The following SEPTIN9 variants were observed in gnomAD, a reference collection of about 807,000 sequenced individuals.
SEPTIN9 encodes the protein septin 9, also known as septin-9.
SEPTIN9 carries 13 observed loss-of-function variants against 56.6 expected under a neutral mutation model. The ratio of observed to expected loss-of-function variants is 0.23; its 90% CI spans 0.15 to 0.37. The LOEUF (loss-of-function observed/expected upper bound fraction) is 0.37. SEPTIN9 is among the 10% of genes least tolerant of loss of function. SEPTIN9 has a pLI of 1.00. For missense variants in SEPTIN9, 650 were observed against 823.1 expected (o/e 0.79, Z 2.57); for synonymous variants, 332 against 334.1 (o/e 0.99, Z 0.07).
At position 77,330,853 on chromosome 17, in the gene SEPTIN9, C is replaced by T. The variant is rs1421349315; in HGVS notation, c.76+23656C>T. 2.6e-5 allele frequency among the ~76,000 whole-genome samples: 4 copies of T among 152,346 alleles called. No homozygotes were observed. In the East Asian group the frequency reaches 7.7e-4, roughly 29 times the overall value. On this transcript the variant is annotated intron_variant, in intron 2 of 11. Transcript: ENST00000427177. The surrounding 1 kb of genome is among the most constrained non-coding windows in gnomAD (Gnocchi z 4.4). ...TCACTGTCCCTGCCTGGCCCCAGTG[C>T]TCATGTGGCTTGTGGCCCTCAGTCT...
intron 2 of SEPTIN9, among the ~76,000 whole-genome samples, chr17:77,335,616 T>C (rs1196653408): frequency 2.0e-5 from 3 of 150,158 alleles, no homozygotes; most frequent in Non-Finnish European, 4.4e-5. Flanking sequence ...AGGCCCCATG[T>C]TGACTGTATA....
intron 2 of SEPTIN9, among the ~76,000 whole-genome samples, chr17:77,360,544 TTTTTTTGTTGTTTTTG>T (rs1383041311): frequency 3.3e-5 from 5 of 151,852 alleles, no homozygotes; most frequent in Admixed American, 1.3e-4. Context: ...TAGGTTGTTT[TTTTTTTGTTGTTTTTG>T]TTTTTTGTTT....
Position 77,320,039 on chromosome 17 carries a change from T to A in SEPTIN9, c.76+12842T>A. The A allele has an allele frequency of 9.4e-6, 13 of 1,376,644 alleles. No individual in the cohort carries two copies. The South Asian group carries it at 1.9e-4, about 20-fold the overall frequency. The allele number at this position is 1,376,644 out of a possible 1,614,324, so 85.3% of individuals were successfully genotyped here. A position where few individuals can be genotyped will look rare whatever the true frequency, so the allele number is the denominator to read the frequency against. ...CCCACTTCGGGCCCTCTCTCCTGCC[T>A]CCTATTTTTGGATTTCTCTCCTTTG... On this transcript the variant is annotated intron_variant, in intron 2 of 11. Transcript: ENST00000427177.
In SEPTIN9 at chr17:77,492,818, G is replaced by T; in HGVS notation, c.1476+102G>T. On this transcript the variant is annotated intron_variant, in intron 9 of 11. Transcript: ENST00000427177. The surrounding 1 kb of genome is among the most constrained non-coding windows in gnomAD (Gnocchi z 5.4). ...CCTTAAGCCATGAAATTATATTCTTGGGGCCAGAGGGCACTGAGCCCAGGT... is the reference window on the plus strand; with the variant it reads ...CCTTAAGCCATGAAATTATATTCTTTGGGCCAGAGGGCACTGAGCCCAGGT... 7.9e-7 allele frequency: 1 copy of T among 1,264,134 alleles called. No individual in the cohort carries two copies. 78.3% of individuals were successfully genotyped at this position (1,264,134 alleles called of 1,614,324 possible).
intron 3 of SEPTIN9, among the ~76,000 whole-genome samples, chr17:77,424,280 C>T (rs1277669955): frequency 6.6e-6 from 1 of 152,266 alleles, no homozygotes; most frequent in Non-Finnish European, 1.5e-5. Context: ...GCGGCTGACC[C>T]TGGCTGTGAA....
At chr17:77,472,121 G>A (rs2039025605) in intron 3 of SEPTIN9, among the ~76,000 whole-genome samples, 1 of 152,146 alleles carries the variant, frequency 6.6e-6, no homozygotes, top group Non-Finnish European at 1.5e-5. Context: ...AATAGGCCGC[G>A]GAGCCTGGGT....
At chr17:77,458,363 C>CCGGCA (rs1381011595) in intron 3 of SEPTIN9, among the ~76,000 whole-genome samples, 7 of 152,172 alleles carry the variant, frequency 4.6e-5, no homozygotes, top group Non-Finnish European at 1.0e-4. Context: ...TGTTCCAGCC[C>CCGGCA]CGGCACCGCC....
At chr17:77,401,332 C>G (rs1004883937) in intron 2 of SEPTIN9, among the ~76,000 whole-genome samples, 1 of 152,082 alleles carries the variant, frequency 6.6e-6, no homozygotes, top group Non-Finnish European at 1.5e-5. Context: ...GTTACAGTTG[C>G]GGTCACTTAT....
At chr17:77,350,610 A>AGTGTGTGTGTGTGTGT (rs57851361) in intron 2 of SEPTIN9, among the ~76,000 whole-genome samples, 8,630 of 149,412 alleles carry the variant, frequency 0.058, 251 homozygotes, top group Middle Eastern at 0.093. Flanking sequence ...CCTCCAGTGC[A>AGTGTGTGTGTGTGTGT]GTGTGTGTGT....
intron 2 of SEPTIN9, among the ~76,000 whole-genome samples, chr17:77,392,416 A>G (rs533776564): frequency 6.6e-6 from 1 of 152,302 alleles, no homozygotes; most frequent in African/African-American, 2.4e-5. Context: ...CTGCACCTCC[A>G]TCCAGGGGTT....
chr17:77,324,001 G>T (rs1200091592), intron 2 of SEPTIN9, among the ~76,000 whole-genome samples: 1 of 152,248 alleles, frequency 6.6e-6, no homozygotes, highest in Non-Finnish European at 1.5e-5. Flanking sequence ...AGCAGGCCTG[G>T]TTCTTTCCGG....
At position 77,450,394 on chromosome 17, in the gene SEPTIN9, C is replaced by T. The variant is rs1274064777; in HGVS notation, c.722-31750C>T. 1 of 791,708 alleles carries T rather than the reference C, an allele frequency of 1.3e-6. No individual in the cohort carries two copies. The highest frequency in any genetic ancestry group is 6.2e-5 in the Admixed American group (1 of 16,032). The allele number at this position is 791,708 out of a possible 1,614,324, so 49.0% of individuals were successfully genotyped here. ...GTAGCTTCCAGAATTCAGCCCCTGG[C>T]CCTCAGAAGGTGTCACCAAAGGCTT... On this transcript the variant is annotated intron_variant, in intron 3 of 11. Coordinates refer to ENST00000427177, the MANE Select transcript of SEPTIN9 (RefSeq NM_001113491.2). This position sits in a 1 kb window ranked among gnomAD's most constrained non-coding sequence, Gnocchi z 6.0.
chr17:77,367,339 T>C lies in SEPTIN9; in HGVS notation c.77-34720T>C, dbSNP rs942229657. Among the ~76,000 whole-genome samples, 6 of 152,148 alleles carry C rather than the reference T, an allele frequency of 3.9e-5. No homozygotes were observed. Among genetic ancestry groups the C allele is most frequent in the Non-Finnish European group, 5.9e-5 (4 of 68,020 alleles). Reference sequence around the variant, plus strand: ...AGAACGCACATGAAGAATCCATGTGTGTTCTGAACGTCCCCTCTGCCCCTT... The same window carrying C: ...AGAACGCACATGAAGAATCCATGTGCGTTCTGAACGTCCCCTCTGCCCCTT... On this transcript the variant is annotated intron_variant, in intron 2 of 11. Coordinates refer to ENST00000427177, the MANE Select transcript of SEPTIN9 (RefSeq NM_001113491.2). The surrounding 1 kb of genome is among the most constrained non-coding windows in gnomAD (Gnocchi z 4.5).
rs541885218 is a variant in SEPTIN9, at chr17:77,421,681, G to A, written c.721+18978G>A. ...GGAACTGGAGTGGCTCCTCCACGGTGGATTGGGCTGAGCTCTCTGCCTCGG... is the reference window on the plus strand; with the variant it reads ...GGAACTGGAGTGGCTCCTCCACGGTAGATTGGGCTGAGCTCTCTGCCTCGG... On this transcript the variant is annotated intron_variant, in intron 3 of 11. Coordinates refer to ENST00000427177, the MANE Select transcript of SEPTIN9 (RefSeq NM_001113491.2). This position sits in a 1 kb window ranked among gnomAD's most constrained non-coding sequence, Gnocchi z 4.6. 6.6e-6 allele frequency among the ~76,000 whole-genome samples: 1 copy of A among 152,316 alleles called. No homozygotes were observed. The highest frequency in any genetic ancestry group is 2.4e-5 in the African/African-American group (1 of 41,562).
At chr17:77,291,782 C>T (rs1158974036) in intron 1 of SEPTIN9, among the ~76,000 whole-genome samples, 1 of 152,170 alleles carries the variant, frequency 6.6e-6, no homozygotes, top group Non-Finnish European at 1.5e-5. Context: ...CTGGCCTCCA[C>T]TTGCTTTGGC....
rs2032748126 is a variant in SEPTIN9 at position 77,317,339 on chromosome 17, C to T, written c.76+10142C>T. On this transcript the variant is annotated intron_variant, in intron 2 of 11. Coordinates refer to ENST00000427177, the MANE Select transcript of SEPTIN9 (RefSeq NM_001113491.2). This position sits in a 1 kb window ranked among gnomAD's most constrained non-coding sequence, Gnocchi z 4.2. ...GTGTCCTATTAGGAACTGGCCTGCA[C>T]AGCAGGAGGTGAGTGACTGGCAAGC... Among the ~76,000 whole-genome samples the T allele has an allele frequency of 6.6e-6, 1 of 152,234 alleles. No individual in the cohort carries two copies. Among genetic ancestry groups the T allele is most frequent in the South Asian group, 2.1e-4 (1 of 4,830 alleles).
intron 3 of SEPTIN9, chr17:77,454,412 G>C: frequency 1.0e-6 from 1 of 981,630 alleles, no homozygotes; most frequent in Non-Finnish European, 1.2e-6. Context: ...AGCTTTCCCA[G>C]GAGGGCTCCC....
chr17:77,289,635 C>T (rs955848674), intron 1 of SEPTIN9, among the ~76,000 whole-genome samples: 2 of 146,296 alleles, frequency 1.4e-5, no homozygotes, highest in Admixed American at 6.8e-5. Context: ...CTCGAACTCC[C>T]GACCTCAGGT....
chr17:77,325,610 T>C (rs1470478885), intron 2 of SEPTIN9, among the ~76,000 whole-genome samples: 1 of 152,170 alleles, frequency 6.6e-6, no homozygotes, highest in African/African-American at 2.4e-5. Context: ...TTCTAGGTGG[T>C]GTGGCTGCCC....
Sources: gnomAD v4.1 joint callset for allele counts (sites outside exome capture counted in the v4.1 genomes callset) on GRCh38, gnomAD v4.1.1 for gene constraint, Gnocchi (gnomAD v3.1) non-coding constraint, MANE v1.5 for transcripts, NCBI Gene and HGNC (gene_info 2026-07-23, HGNC 2026-07-21) for gene names.